SNX9: variants seen among roughly 807,000 people sequenced by gnomAD.
The protein encoded by SNX9 is sorting nexin 9.
Under a neutral mutation model 89.4 loss-of-function variants are expected in SNX9, and 44 were observed. That is an observed-to-expected ratio of 0.49 (90% CI 0.39 to 0.63). The LOEUF is 0.63. SNX9 is among the 30% of genes least tolerant of loss of function. SNX9 has a pLI of 0.00. For missense variants in SNX9, 578 were observed against 736.1 expected (o/e 0.79, Z 2.49); for synonymous variants, 236 against 247.8 (o/e 0.95, Z 0.45).
rs540544352 is a variant in SNX9, at chr6:157,823,504, G to T, written c.12+58G>T. ...GCTCAGGCCCGGGGCGGCGCGGAGA[G>T]GGTCGGGGCCGGGGCCGCGGGGAGG... On this transcript the variant is annotated intron_variant, in intron 1 of 17. Transcript: ENST00000392185. The surrounding 1 kb of genome is among the most constrained non-coding windows in gnomAD (Gnocchi z 4.6). The T allele has an allele frequency of 7.8e-4, 903 of 1,163,790 alleles. 5 individuals are homozygous for T. In the African/African-American group the frequency reaches 0.013, roughly 17 times the overall value. 72.1% of individuals were successfully genotyped at this position (1,163,790 alleles called of 1,614,324 possible). A position where few individuals can be genotyped will look rare whatever the true frequency, so the allele number is the denominator to read the frequency against.
intron 5 of SNX9, among the ~76,000 whole-genome samples, chr6:157,897,673 C>G (rs981432419): frequency 6.6e-6 from 1 of 152,112 alleles, no homozygotes; most frequent in Non-Finnish European, 1.5e-5. Context: ...CACCGCCACA[C>G]CCGGCTGATT....
intron 4 of SNX9, among the ~76,000 whole-genome samples, chr6:157,896,605 G>A (rs1255155958): frequency 3.3e-5 from 5 of 152,132 alleles, no homozygotes; most frequent in East Asian, 1.9e-4. Flanking sequence ...AAGCAAATAC[G>A]GTAAAATGTG....
chr6:157,894,829 T>C (rs1438090759), intron 4 of SNX9, among the ~76,000 whole-genome samples: 2 of 152,222 alleles, frequency 1.3e-5, no homozygotes, highest in African/African-American at 4.8e-5. Context: ...CCTAGCATTT[T>C]TTCTTCTGGA....
chr6:157,943,165 T>TA lies in SNX9; in HGVS notation c.*328dup. 1 of 202,170 alleles carries TA rather than the reference T, an allele frequency of 4.9e-6. No homozygotes were observed. The highest frequency in any genetic ancestry group is 9.8e-6 in the Non-Finnish European group (1 of 101,766). 12.5% of individuals were successfully genotyped at this position (202,170 alleles called of 1,614,324 possible). On this transcript the variant is annotated 3_prime_UTR_variant, in exon 18 of 18. Coordinates refer to ENST00000392185, the MANE Select transcript of SNX9 (RefSeq NM_016224.5). ...ACATAGAGTCATAATTTATATGTCT[T>TA]ATAAATTATAAGTCTTATATAATTT...
chr6:157,924,989 C>A (rs549881307), intron 10 of SNX9, among the ~76,000 whole-genome samples: 1 of 152,186 alleles, frequency 6.6e-6, no homozygotes, highest in South Asian at 2.1e-4. Context: ...TCCTAGAGAG[C>A]AGGGAAGAAT....
intron 4 of SNX9, among the ~76,000 whole-genome samples, chr6:157,881,132 G>A (rs957126854): frequency 5.9e-5 from 9 of 152,110 alleles, no homozygotes; most frequent in East Asian, 1.9e-4. Context: ...GTCTATGGGC[G>A]CCATTTTGTC....
At position 157,906,142 on chromosome 6, in the gene SNX9, C is replaced by T. The variant is rs759352816; in HGVS notation, c.635C>T (p.Ala212Val). Reference sequence around the variant, plus strand: ...TTCATGATTAGATTTCCTGGATTTGCGAAACCTGGCACGGAACAGTATTTG... The same window carrying T: ...TTCATGATTAGATTTCCTGGATTTGTGAAACCTGGCACGGAACAGTATTTG... The part of the protein sequence containing the change: ...KIPLNKFPGF[A>V]KPGTEQYLLA... Residue 212 changes from alanine (A) to valine (V), a missense_variant, in exon 7 of 18, where the codon GCG (alanine) becomes GTG (valine). Around this residue, in one of 2 missense-constraint regions of SNX9, gnomAD observed 348 missense variants for 491.4 expected, o/e 0.71. Coordinates refer to ENST00000392185, the MANE Select transcript of SNX9 (RefSeq NM_016224.5). 9 of 1,608,678 alleles carry T rather than the reference C, an allele frequency of 5.6e-6. No homozygotes were observed. The highest frequency in any genetic ancestry group is 1.3e-5 in the African/African-American group (1 of 74,456).
intron 1 of SNX9, among the ~76,000 whole-genome samples, chr6:157,845,194 C>T (rs1180410607): frequency 2.0e-5 from 3 of 151,608 alleles, no homozygotes; most frequent in African/African-American, 7.3e-5. Flanking sequence ...CTGCAACCTC[C>T]ACCTCCTGGG....
chr6:157,873,078 T>C (rs370802314), intron 2 of SNX9, 24 bp from the exon 3 acceptor site: 18 of 1,486,452 alleles, frequency 1.2e-5, no homozygotes, highest in African/African-American at 5.7e-5. Context: ...TTTTCTTTTT[T>C]TTTTTTTTTT....
At chr6:157,833,546 G>A (rs1213788012) in intron 1 of SNX9, among the ~76,000 whole-genome samples, 1 of 152,116 alleles carries the variant, frequency 6.6e-6, no homozygotes, top group African/African-American at 2.4e-5. Context: ...TTTAAAAGTA[G>A]CTTTAAAACA....
intron 4 of SNX9, among the ~76,000 whole-genome samples, chr6:157,894,776 A>G (rs932700804): frequency 3.3e-5 from 5 of 152,224 alleles, no homozygotes; most frequent in African/African-American, 1.2e-4. Context: ...TTCAAAAGCA[A>G]TTTGACAAAA....
At chr6:157,903,082 T>C (rs192069745) in intron 6 of SNX9, among the ~76,000 whole-genome samples, 11 of 152,346 alleles carry the variant, frequency 7.2e-5, no homozygotes, top group South Asian at 2.1e-4. Flanking sequence ...CTGTAGTCTA[T>C]GCCAGTGTAG....
intron 4 of SNX9, among the ~76,000 whole-genome samples, chr6:157,890,794 T>C (rs1415103789): frequency 6.6e-6 from 1 of 152,214 alleles, no homozygotes; most frequent in African/African-American, 2.4e-5. Context: ...TTGTTGCATT[T>C]TCCAATGTTT....
intron 1 of SNX9, among the ~76,000 whole-genome samples, chr6:157,849,246 A>G (rs1262872920): frequency 6.6e-6 from 1 of 152,260 alleles, no homozygotes; most frequent in Non-Finnish European, 1.5e-5. Flanking sequence ...CTTTCAAGAA[A>G]AAAGAGGGTA....
At chr6:157,858,520 C>T (rs1025965093) in intron 1 of SNX9, among the ~76,000 whole-genome samples, 5 of 152,094 alleles carry the variant, frequency 3.3e-5, no homozygotes, top group African/African-American at 1.2e-4. Flanking sequence ...CCATGCCCGG[C>T]CATTGTCCAG....
rs141810933 is a variant in SNX9, at chr6:157,869,400, A to C, written c.99+1767A>C. On this transcript the variant is annotated intron_variant, in intron 2 of 17. Coordinates refer to ENST00000392185, the MANE Select transcript of SNX9 (RefSeq NM_016224.5). ...CAAGCACTTCACACTGACCACGTCC[A>C]GACTCAGCTCATCACCCATGTGATG... Among the ~76,000 whole-genome samples, 1,177 of 152,318 alleles carry C rather than the reference A, an allele frequency of 7.7e-3. 13 individuals carry two copies. Among genetic ancestry groups the C allele is most frequent in the Middle Eastern group, 0.014 (4 of 294 alleles).
At chr6:157,850,770 T>C (rs1348303267) in intron 1 of SNX9, among the ~76,000 whole-genome samples, 1 of 152,228 alleles carries the variant, frequency 6.6e-6, no homozygotes, top group Non-Finnish European at 1.5e-5. Context: ...GCAGGTCACT[T>C]TTAAGAGCAT....
At position 157,913,488 on chromosome 6, in the gene SNX9, A is replaced by G. The variant is rs982882454; in HGVS notation, c.949+3463A>G. Among the ~76,000 whole-genome samples the G allele has an allele frequency of 5.3e-5, 8 of 152,240 alleles. No homozygotes were observed. The South Asian group carries it at 8.3e-4, about 16-fold the overall frequency. ...CTTATACTCATAATTTCTAAAGGAAAGTTCAGGTTTCATTTTTTAAATTTT... is the reference window on the plus strand; with the variant it reads ...CTTATACTCATAATTTCTAAAGGAAGGTTCAGGTTTCATTTTTTAAATTTT... On this transcript the variant is annotated intron_variant, in intron 9 of 17. Coordinates refer to ENST00000392185, the MANE Select transcript of SNX9 (RefSeq NM_016224.5).
intron 5 of SNX9, among the ~76,000 whole-genome samples, chr6:157,899,563 G>A (rs1171576213): frequency 6.6e-6 from 1 of 152,096 alleles, no homozygotes; most frequent in African/African-American, 2.4e-5. Flanking sequence ...ACAAGGTCAG[G>A]AGATCAAGGC....
Sources: allele counts gnomAD v4.1 joint callset (sites outside exome capture counted in the v4.1 genomes callset), GRCh38; gene constraint gnomAD v4.1.1; regional missense constraint gnomAD v4.1.1; non-coding constraint Gnocchi (gnomAD v3.1); transcripts MANE v1.5; gene names NCBI Gene and HGNC (gene_info 2026-07-23, HGNC 2026-07-21).